Variants in PLXNA2 observed in about 807,000 individuals in gnomAD.
The protein encoded by PLXNA2 is plexin A2, also known as plexin-A2.
In PLXNA2, 91 loss-of-function variants were observed where a neutral mutation model predicts 193.5. The ratio of observed to expected loss-of-function variants is 0.47; its 90% confidence interval spans 0.40 to 0.56. PLXNA2 has a LOEUF of 0.56. PLXNA2 is among the 20% of genes least tolerant of loss of function. The pLI is 0.00. For missense variants in PLXNA2, 1,995 were observed against 2,503.2 expected, an observed-to-expected ratio of 0.80 and a Z score of 4.33; for synonymous variants, 997 against 1,027.3, an observed-to-expected ratio of 0.97 and a Z score of 0.56.
rs144157178 is a variant in PLXNA2 at position 208,039,248 on chromosome 1, C to A, written c.4501-264G>T. Among the ~76,000 whole-genome samples, 1,068 of 152,216 alleles carry A rather than the reference C, an allele frequency of 7.0e-3. 9 individuals carry two copies. Among genetic ancestry groups the A allele is most frequent in the Non-Finnish European group, 0.012 (821 of 68,006 alleles). On this transcript the variant is annotated intron_variant, in intron 24 of 31. Transcript: ENST00000367033. ...TGGACAGCTTAGGGGAGACTATAGT[C>A]CTGGAATGAGGCACCCTCAGTGTTT...
At chr1:208,032,115 C>T (rs764603263) in intron 28 of PLXNA2, 107 of 985,248 alleles carry the variant, frequency 1.1e-4, no homozygotes, top group East Asian at 1.1e-4. Flanking sequence ...AAACAGTGTC[C>T]GAGGAACAAG....
At chr1:208,129,731 C>A (rs1254446028) in intron 4 of PLXNA2, among the ~76,000 whole-genome samples, 13 of 152,202 alleles carry the variant, frequency 8.5e-5, no homozygotes, top group Admixed American at 8.5e-4. Flanking sequence ...CTCCTGTAAT[C>A]CCAGCACTCT....
chr1:208,116,507 T>G (rs1667642914), intron 4 of PLXNA2, among the ~76,000 whole-genome samples: 1 of 152,244 alleles, frequency 6.6e-6, no homozygotes, highest in South Asian at 2.1e-4. Context: ...CCTGGTATTC[T>G]GCGAGTATCC....
intron 3 of PLXNA2, among the ~76,000 whole-genome samples, chr1:208,167,468 C>T (rs73077812): frequency 0.023 from 3,538 of 152,254 alleles, 140 homozygotes; most frequent in African/African-American, 0.078. Context: ...TGCTGGGATG[C>T]GTATTTACTT....
intron 3 of PLXNA2, among the ~76,000 whole-genome samples, chr1:208,170,976 G>A (rs989628312): frequency 6.6e-6 from 1 of 152,244 alleles, no homozygotes; most frequent in Admixed American, 6.5e-5. Context: ...GGATGGTCTT[G>A]CAGGAATTCA....
chr1:208,045,594 A>C (rs1322806495), intron 18 of PLXNA2, among the ~76,000 whole-genome samples: 2 of 152,188 alleles, frequency 1.3e-5, no homozygotes, highest in East Asian at 3.8e-4. Context: ...GAGTGGACAG[A>C]AAAGGAAACA....
At chr1:208,045,485 A>G (rs994871441) in intron 18 of PLXNA2, among the ~76,000 whole-genome samples, 1 of 152,254 alleles carries the variant, frequency 6.6e-6, no homozygotes, top group Admixed American at 6.5e-5. Context: ...GGGAGGATGC[A>G]TGGGATTTCA....
chr1:208,138,329 C>A (rs1668361854), intron 4 of PLXNA2, among the ~76,000 whole-genome samples: 1 of 152,214 alleles, frequency 6.6e-6, no homozygotes, highest in Non-Finnish European at 1.5e-5. Context: ...TTTTGCCCAA[C>A]TGTAGGTGAA....
intron 4 of PLXNA2, among the ~76,000 whole-genome samples, chr1:208,113,225 G>A (rs1055032880): frequency 3.3e-5 from 5 of 152,138 alleles, no homozygotes; most frequent in Non-Finnish European, 5.9e-5. Context: ...CACATTGACT[G>A]CCCTACCCCA....
intron 9 of PLXNA2, among the ~76,000 whole-genome samples, chr1:208,087,799 C>A (rs778224493): frequency 6.6e-6 from 1 of 151,912 alleles, no homozygotes; most frequent in Non-Finnish European, 1.5e-5. Context: ...GAGACTGGAC[C>A]CCAAACAATT....
At chr1:208,063,701 A>C (rs1181696911) in intron 12 of PLXNA2, among the ~76,000 whole-genome samples, 1 of 152,196 alleles carries the variant, frequency 6.6e-6, no homozygotes, top group Non-Finnish European at 1.5e-5. Flanking sequence ...TCAGGAGACA[A>C]CTAAGCAACT....
In PLXNA2 at chr1:208,039,781, C is replaced by T; in HGVS notation, c.4354-14G>A. On this transcript the variant is annotated splice_polypyrimidine_tract_variant and intron_variant, in intron 23 of 31. Transcript: ENST00000367033. ...CCCTGCGCACTCCTGTGGGCACAGA[C>T]AGGGCAGGAGGTGTGGGCACGGCCT... is the stretch of plus-strand genomic sequence containing the variant. 1.9e-6 allele frequency: 3 copies of T among 1,613,912 alleles called. No individual in the cohort carries two copies. The highest frequency in any genetic ancestry group is 2.2e-5 in the East Asian group (1 of 44,856).
rs191268631 is a variant in PLXNA2 at position 208,240,014 on chromosome 1, A to T, written c.-81+3629T>A. 2.5e-3 allele frequency among the ~76,000 whole-genome samples: 375 copies of T among 152,306 alleles called. 4 individuals are homozygous for T. Among genetic ancestry groups the T allele is most frequent in the African/African-American group, 8.5e-3 (352 of 41,560 alleles). On this transcript the variant is annotated intron_variant, in intron 1 of 31. Transcript: ENST00000367033. ...AGAGATATTCTTTCACCCAAGAGAG[A>T]GACAGAACCAGAGCAGGGAAGGCGG...
chr1:208,084,889 C>T (rs1666461054), intron 9 of PLXNA2, among the ~76,000 whole-genome samples: 1 of 152,160 alleles, frequency 6.6e-6, no homozygotes, highest in Admixed American at 6.5e-5. Flanking sequence ...CTCCACGTGT[C>T]CCTGTCCCCA....
chr1:208,028,874 C>A lies in PLXNA2; in HGVS notation c.5394G>T (p.Leu1798=). The A allele has an allele frequency of 6.2e-7, 1 of 1,614,192 alleles. No individual in the cohort carries two copies. The highest frequency in any genetic ancestry group is 1.7e-5 in the Admixed American group (1 of 60,030). ...RLGKDSPSNK[L]LYAKDIPSYK... ...AGCTGGGGATGTCCTTGGCATAGAGCAGCTTGTTGGAGGGGGAGTCCTTGC... is the reference window on the plus strand; with the variant it reads ...AGCTGGGGATGTCCTTGGCATAGAGAAGCTTGTTGGAGGGGGAGTCCTTGC... The change falls in exon 30 of 32, where the codon CTG becomes CTT. Residue 1798 remains leucine (L), a synonymous_variant. Transcript: ENST00000367033. This position sits in a 1 kb window ranked among gnomAD's most constrained non-coding sequence, Gnocchi z 4.2.
chr1:208,147,795 A>C (rs1668644627), intron 3 of PLXNA2, among the ~76,000 whole-genome samples: 1 of 152,136 alleles, frequency 6.6e-6, no homozygotes, highest in South Asian at 2.1e-4. Context: ...AGCAGAGTAG[A>C]TGGGTCATCT....
intron 3 of PLXNA2, among the ~76,000 whole-genome samples, chr1:208,156,889 C>T (rs1476250099): frequency 6.6e-6 from 1 of 152,206 alleles, no homozygotes; most frequent in Non-Finnish European, 1.5e-5. Context: ...CAGCAAGCTT[C>T]CTTTTCCCTC....
intron 3 of PLXNA2, among the ~76,000 whole-genome samples, chr1:208,177,670 A>T (rs1669700975): frequency 6.6e-6 from 1 of 152,272 alleles, no homozygotes; most frequent in Admixed American, 6.5e-5. Flanking sequence ...AGTGAAACAT[A>T]AAACAACAGC....
At chr1:208,127,812 G>A (rs1668019516) in intron 4 of PLXNA2, among the ~76,000 whole-genome samples, 1 of 152,218 alleles carries the variant, frequency 6.6e-6, no homozygotes, top group African/African-American at 2.4e-5. Flanking sequence ...AGTAAAACGG[G>A]GTGAGAAGAA....
Sources: gnomAD v4.1 joint callset for allele counts (sites outside exome capture counted in the v4.1 genomes callset) on GRCh38, gnomAD v4.1.1 for gene constraint, Gnocchi (gnomAD v3.1) non-coding constraint, MANE v1.5 for transcripts, NCBI Gene and HGNC (gene_info 2026-07-23, HGNC 2026-07-21) for gene names.